The following CAMK1D variants were observed in gnomAD, a reference collection of about 807,000 sequenced individuals.
CAMK1D encodes the protein calcium/calmodulin-dependent protein kinase type 1D.
CAMK1D carries 9 observed loss-of-function variants against 47.7 expected under a neutral mutation model. The ratio of observed to expected loss-of-function variants is 0.19; its 90% CI spans 0.11 to 0.33. CAMK1D has a LOEUF of 0.33. CAMK1D is among the 10% of genes least tolerant of loss of function. CAMK1D has a pLI of 1.00. For missense variants in CAMK1D, 291 were observed against 488.7 expected, an observed-to-expected ratio of 0.60 and a Z score of 3.81; for synonymous variants, 184 against 184.9, an observed-to-expected ratio of 0.99 and a Z score of 0.04.
chr10:12,750,590 G>T (rs943504724), intron 3 of CAMK1D, among the ~76,000 whole-genome samples: 50 of 152,306 alleles, frequency 3.3e-4, no homozygotes, highest in South Asian at 2.9e-3. Context: ...GAGCAGAAGA[G>T]GCCGGGAGGA....
intron 1 of CAMK1D, among the ~76,000 whole-genome samples, chr10:12,477,748 G>T (rs568020620): frequency 2.4e-4 from 37 of 152,272 alleles, no homozygotes; most frequent in African/African-American, 8.4e-4. Flanking sequence ...AGCTGAAGGC[G>T]GAGGGAGTGC....
chr10:12,680,006 C>G (rs1176856010), intron 3 of CAMK1D, among the ~76,000 whole-genome samples: 1 of 152,220 alleles, frequency 6.6e-6, no homozygotes, highest in Admixed American at 6.5e-5. Context: ...GAAGCCCCAG[C>G]CACAGAAATT....
intron 1 of CAMK1D, among the ~76,000 whole-genome samples, chr10:12,456,900 T>C (rs1753416121): frequency 6.6e-6 from 1 of 152,118 alleles, no homozygotes; most frequent in South Asian, 2.1e-4. Context: ...CCAGCAGTCC[T>C]GTTTCTGGGA....
chr10:12,691,387 A>T (rs1588797709), intron 3 of CAMK1D, among the ~76,000 whole-genome samples: 1 of 7,006 alleles, frequency 1.4e-4, no homozygotes, highest in Admixed American at 1.9e-3. Flanking sequence ...AAATATATAT[A>T]TATATATATA....
At chr10:12,678,531 GCTTCCTCACTGGT>G (rs1840887236) in intron 3 of CAMK1D, among the ~76,000 whole-genome samples, 1 of 152,152 alleles carries the variant, frequency 6.6e-6, no homozygotes, top group Admixed American at 6.5e-5. Context: ...CAGGTCTTCT[GCTTCCTCACTGGT>G]CTTATGTTTG....
intron 3 of CAMK1D, among the ~76,000 whole-genome samples, chr10:12,728,429 T>TGGGAGTAATTGGC (rs1349529347): frequency 6.6e-6 from 1 of 152,198 alleles, no homozygotes; most frequent in African/African-American, 2.4e-5. Context: ...AGCCCTTAGC[T>TGGGAGTAATTGGC]GGGAGTAATT....
chr10:12,750,065 A>G (rs1231661990), intron 3 of CAMK1D, among the ~76,000 whole-genome samples: 4 of 152,238 alleles, frequency 2.6e-5, no homozygotes, highest in African/African-American at 9.6e-5. Flanking sequence ...AGAGCACATC[A>G]ATTGACAAAG....
At chr10:12,754,008 A>G (rs2130885146) in intron 3 of CAMK1D, among the ~76,000 whole-genome samples, 1 of 152,228 alleles carries the variant, frequency 6.6e-6, no homozygotes, top group South Asian at 2.1e-4. Context: ...CTCCTGCCTC[A>G]GCCTCCCGAG....
chr10:12,514,903 C>A (rs1312171106), intron 1 of CAMK1D, among the ~76,000 whole-genome samples: 1 of 152,138 alleles, frequency 6.6e-6, no homozygotes, highest in African/African-American at 2.4e-5. Context: ...CAGGCTGGAA[C>A]GCAGTGGTAT....
At chr10:12,811,692 G>A (rs1832614801) in intron 6 of CAMK1D, among the ~76,000 whole-genome samples, 1 of 152,138 alleles carries the variant, frequency 6.6e-6, no homozygotes, top group Non-Finnish European at 1.5e-5. Context: ...TTTTTTCCTT[G>A]CAAAGAAAGC....
intron 1 of CAMK1D, among the ~76,000 whole-genome samples, chr10:12,443,775 A>G (rs1312487665): frequency 1.3e-5 from 2 of 152,004 alleles, no homozygotes; most frequent in Non-Finnish European, 2.9e-5. Flanking sequence ...GATTATAGGC[A>G]CCTACCACCA....
chr10:12,555,366 T>G (rs1836728048), intron 2 of CAMK1D, among the ~76,000 whole-genome samples: 1 of 152,244 alleles, frequency 6.6e-6, no homozygotes, highest in African/African-American at 2.4e-5. Flanking sequence ...GGATAAGTGT[T>G]TGAGAACAAA....
chr10:12,503,556 C>G (rs970404897), intron 1 of CAMK1D, among the ~76,000 whole-genome samples: 3 of 152,036 alleles, frequency 2.0e-5, no homozygotes, highest in Non-Finnish European at 4.4e-5. Context: ...GGGAGAGGGG[C>G]GGGACGTTTG....
At chr10:12,382,779 C>T (rs1319244602) in intron 1 of CAMK1D, among the ~76,000 whole-genome samples, 7 of 152,104 alleles carry the variant, frequency 4.6e-5, no homozygotes, top group African/African-American at 9.7e-5. Flanking sequence ...GAGCTGAGAT[C>T]GCGCCACTGC....
At chr10:12,610,788 G>C (rs1272646439) in intron 2 of CAMK1D, among the ~76,000 whole-genome samples, 1 of 152,182 alleles carries the variant, frequency 6.6e-6, no homozygotes, top group Non-Finnish European at 1.5e-5. Context: ...GAATGAAAAT[G>C]CATATGCTTT....
At chr10:12,629,612 G>A (rs903255953) in intron 2 of CAMK1D, among the ~76,000 whole-genome samples, 1 of 152,216 alleles carries the variant, frequency 6.6e-6, no homozygotes, top group African/African-American at 2.4e-5. Context: ...ACAAGGACGT[G>A]TTCTCCACCT....
intron 1 of CAMK1D, among the ~76,000 whole-genome samples, chr10:12,381,476 C>G (rs891912484): frequency 4.0e-5 from 6 of 151,786 alleles, no homozygotes; most frequent in African/African-American, 1.5e-4. Flanking sequence ...GCTGGGATTA[C>G]AGGCGCATGC....
chr10:12,696,015 T>C (rs1225061053), intron 3 of CAMK1D, among the ~76,000 whole-genome samples: 1 of 151,476 alleles, frequency 6.6e-6, no homozygotes, highest in East Asian at 1.9e-4. Flanking sequence ...GAGGTGGAGG[T>C]TGCAGTGAGT....
chr10:12,571,766 C>A (rs1050262034), intron 2 of CAMK1D, among the ~76,000 whole-genome samples: 1 of 152,066 alleles, frequency 6.6e-6, no homozygotes, highest in Admixed American at 6.5e-5. Flanking sequence ...TACCTGAGCT[C>A]CAAATGGGTT....
Sources: allele counts gnomAD v4.1 joint callset (sites outside exome capture counted in the v4.1 genomes callset), GRCh38; gene constraint gnomAD v4.1.1; transcripts MANE v1.5; gene names NCBI Gene and HGNC (gene_info 2026-07-23, HGNC 2026-07-21).